The following RPS6KA5 variants were observed in gnomAD, a reference collection of about 807,000 sequenced individuals.
The protein encoded by RPS6KA5 is ribosomal protein S6 kinase A5, also known as ribosomal protein S6 kinase alpha-5.
In RPS6KA5, 27 loss-of-function variants were observed where a neutral mutation model predicts 85.5. The observed-to-expected ratio is 0.32, with a 90% CI of 0.23 to 0.44. The LOEUF (loss-of-function observed/expected upper bound fraction) is 0.44, where lower values mean the gene tolerates loss of function less well. Among genes scored for constraint, RPS6KA5 ranks in the 20% least tolerant of loss-of-function variants. The pLI is 1.00. For synonymous variants in RPS6KA5, 334 were observed against 348.2 expected, an observed-to-expected ratio of 0.96 and a Z score of 0.46; for missense variants, 811 against 980.9, an observed-to-expected ratio of 0.83 and a Z score of 2.31.
intron 13 of RPS6KA5, among the ~76,000 whole-genome samples, chr14:90,892,423 C>T (rs1410818481): frequency 1.3e-5 from 2 of 152,208 alleles, no homozygotes; most frequent in African/African-American, 4.8e-5. Flanking sequence ...ACTTGCCTAC[C>T]TCTTCTCTCA....
intron 13 of RPS6KA5, among the ~76,000 whole-genome samples, chr14:90,892,800 G>A (rs1001386846): frequency 6.6e-6 from 1 of 152,136 alleles, no homozygotes; most frequent in Non-Finnish European, 1.5e-5. Context: ...AAAAGTCAAA[G>A]TGAAAGACAT....
intron 7 of RPS6KA5, among the ~76,000 whole-genome samples, chr14:90,919,045 C>T (rs973253382): frequency 1.3e-5 from 2 of 152,106 alleles, no homozygotes; most frequent in Non-Finnish European, 2.9e-5. Context: ...CAAGAAATAA[C>T]ATCTTCACTA....
At position 90,852,349 on chromosome 14, in the gene RPS6KA5, A is replaced by G. The variant is rs1345499402; in HGVS notation, c.*19725T>C. 1 of 151,514 alleles carries G rather than the reference A, an allele frequency of 6.6e-6. No individual in the cohort carries two copies. The highest frequency in any genetic ancestry group is 1.5e-5 in the Non-Finnish European group (1 of 67,860). 9.4% of individuals were successfully genotyped at this position (151,514 alleles called of 1,614,324 possible). A position where few individuals can be genotyped will look rare whatever the true frequency, so the allele number is the denominator to read the frequency against. ...GATCTGCCCGCCTCGGCCTCCCAAC[A>G]CTTTTGTTTAAAAAATGGAAATTTC... On this transcript the variant is annotated 3_prime_UTR_variant, in exon 17 of 17. Transcript: ENST00000614987.
chr14:91,009,382 T>G (rs1369131523), intron 1 of RPS6KA5, among the ~76,000 whole-genome samples: 1 of 152,174 alleles, frequency 6.6e-6, no homozygotes, highest in Non-Finnish European at 1.5e-5. Flanking sequence ...AAAATAAATT[T>G]CTGTTGTTTA....
intron 3 of RPS6KA5, among the ~76,000 whole-genome samples, chr14:90,968,795 CA>C (rs1178044943): frequency 6.6e-6 from 1 of 152,154 alleles, no homozygotes; most frequent in Non-Finnish European, 1.5e-5. Flanking sequence ...CAGAAAAAGA[CA>C]ACTGATATAT....
rs1280130228 is a variant in RPS6KA5, at chr14:90,864,960, G to C, written c.*7114C>G. 1 of 152,196 alleles carries C rather than the reference G, an allele frequency of 6.6e-6. No homozygotes were observed. The highest frequency in any genetic ancestry group is 1.5e-5 in the Non-Finnish European group (1 of 68,032). The allele number at this position is 152,196 out of a possible 1,614,324, so 9.4% of individuals were successfully genotyped here. A position where few individuals can be genotyped will look rare whatever the true frequency, so the allele number is the denominator to read the frequency against. ...TAGAACACTTACACATTATTGGTGG[G>C]TATGTAAATTGGTACAACCATTGTT... is the stretch of plus-strand genomic sequence containing the variant. On this transcript the variant is annotated 3_prime_UTR_variant, in exon 17 of 17. Transcript: ENST00000614987.
intron 14 of RPS6KA5, among the ~76,000 whole-genome samples, chr14:90,877,955 C>T (rs1479642106): frequency 6.6e-6 from 1 of 152,210 alleles, no homozygotes; most frequent in Admixed American, 6.5e-5. Flanking sequence ...AGGTGCTCAG[C>T]AAATGGTTAA....
chr14:90,876,271 T>C (rs2033468682), intron 14 of RPS6KA5, among the ~76,000 whole-genome samples: 2 of 152,234 alleles, frequency 1.3e-5, no homozygotes, highest in African/African-American at 4.8e-5. Context: ...TAACTATGTT[T>C]TTCTATTCCA....
chr14:91,005,579 G>A (rs1306061236), intron 1 of RPS6KA5, among the ~76,000 whole-genome samples: 1 of 152,096 alleles, frequency 6.6e-6, no homozygotes, highest in African/African-American at 2.4e-5. Flanking sequence ...CACATAAGAA[G>A]AAATGGTAAA....
chr14:90,988,734 A>G (rs910128528), intron 2 of RPS6KA5, among the ~76,000 whole-genome samples: 1 of 152,174 alleles, frequency 6.6e-6, no homozygotes, highest in Admixed American at 6.5e-5. Flanking sequence ...CATTGCTTGA[A>G]TCCGGGAGGC....
chr14:90,869,635 CAA>C lies in RPS6KA5; in HGVS notation c.*2437_*2438del, dbSNP rs911945371. 6.6e-6 allele frequency: 1 copy of C among 151,472 alleles called. No homozygotes were observed. Among genetic ancestry groups the C allele is most frequent in the African/African-American group, 2.4e-5 (1 of 41,216 alleles). 9.4% of individuals were successfully genotyped at this position (151,472 alleles called of 1,614,324 possible). A position where few individuals can be genotyped will look rare whatever the true frequency, so the allele number is the denominator to read the frequency against. On this transcript the variant is annotated 3_prime_UTR_variant, in exon 17 of 17. Transcript: ENST00000614987. Reference sequence around the variant, plus strand: ...TCTTCTTCTATTTTACTCTTAATACCAAAAAAAGAGTCCTATCATTTAACTTT... The same window carrying C: ...TCTTCTTCTATTTTACTCTTAATACCAAAAAGAGTCCTATCATTTAACTTT...
chr14:91,053,319 T>C (rs2043171601), intron 1 of RPS6KA5, among the ~76,000 whole-genome samples: 1 of 152,258 alleles, frequency 6.6e-6, no homozygotes, highest in Non-Finnish European at 1.5e-5. Flanking sequence ...TGTCTGCTCT[T>C]GCAAGTTCTA....
intron 3 of RPS6KA5, among the ~76,000 whole-genome samples, chr14:90,963,210 A>C (rs764697479): frequency 1.2e-4 from 18 of 152,136 alleles, no homozygotes; most frequent in Non-Finnish European, 2.1e-4. Flanking sequence ...TTTTCTCATG[A>C]TGCAGGTTAT....
intron 3 of RPS6KA5, among the ~76,000 whole-genome samples, chr14:90,957,987 T>A (rs1044510412): frequency 2.0e-5 from 3 of 151,220 alleles, no homozygotes; most frequent in Non-Finnish European, 4.4e-5. Flanking sequence ...AGAAAAAAAA[T>A]AAAAATAAAA....
At chr14:90,919,761 T>C (rs2036304729) in intron 7 of RPS6KA5, among the ~76,000 whole-genome samples, 3 of 152,200 alleles carry the variant, frequency 2.0e-5, no homozygotes, top group Admixed American at 2.0e-4. Context: ...CTCTGAGACC[T>C]ACAAGAGGAT....
At chr14:91,003,776 GAA>G (rs2040883481) in intron 1 of RPS6KA5, among the ~76,000 whole-genome samples, 1 of 152,136 alleles carries the variant, frequency 6.6e-6, no homozygotes, top group Non-Finnish European at 1.5e-5. Context: ...TAGGTCTTAG[GAA>G]AACTCAAGAA....
At chr14:91,060,197 C>G (rs1339598494) in intron 1 of RPS6KA5, 135 bp downstream of exon 1, 9 of 961,136 alleles carry the variant, frequency 9.4e-6, no homozygotes, top group African/African-American at 1.8e-5. Flanking sequence ...GCGCCCCGAC[C>G]GCGACGCCCC....
At chr14:90,951,361 CTG>C (rs2038175901) in intron 3 of RPS6KA5, among the ~76,000 whole-genome samples, 1 of 151,472 alleles carries the variant, frequency 6.6e-6, no homozygotes, top group African/African-American at 2.4e-5. Context: ...TGGCAGGTGC[CTG>C]TAGTCCCAGT....
At chr14:90,982,016 A>G (rs562808004) in intron 2 of RPS6KA5, among the ~76,000 whole-genome samples, 6 of 152,372 alleles carry the variant, frequency 3.9e-5, no homozygotes, top group Middle Eastern at 6.8e-3. Context: ...CTCAGAGCAG[A>G]GAAAGAAAGT....
Sources: allele counts gnomAD v4.1 joint callset (sites outside exome capture counted in the v4.1 genomes callset), GRCh38; gene constraint gnomAD v4.1.1; transcripts MANE v1.5; gene names NCBI Gene and HGNC (gene_info 2026-07-23, HGNC 2026-07-21).